Variants in DPP6 observed in about 807,000 individuals in gnomAD.
The protein encoded by DPP6 is dipeptidyl peptidase like 6, also known as A-type potassium channel modulatory protein DPP6.
DPP6 carries 69 observed loss-of-function variants against 122.6 expected under a neutral mutation model. The observed-to-expected ratio is 0.56, with a 90% CI of 0.46 to 0.69. DPP6 has a LOEUF of 0.69. DPP6 is among the 30% of genes least tolerant of loss of function. The probability of loss-of-function intolerance (pLI) is 0.00; values close to 1 mark genes in which losing one functional copy is unlikely to be tolerated. For synonymous variants in DPP6, 418 were observed against 433.1 expected (o/e 0.97, Z 0.43); for missense variants, 928 against 1,116.9 (o/e 0.83, Z 2.41).
At chr7:153,766,455 G>A in the DPP6 span, among the ~76,000 whole-genome samples, 1 of 152,056 alleles carries the variant, frequency 6.6e-6, no homozygotes, top group Non-Finnish European at 1.5e-5. Flanking sequence ...TAAAAAGTTG[G>A]GAACTAAGTT....
the DPP6 span, among the ~76,000 whole-genome samples, chr7:153,753,809 T>A: frequency 6.6e-6 from 1 of 152,074 alleles, no homozygotes; most frequent in African/African-American, 2.4e-5. Flanking sequence ...ATGCAGTGAT[T>A]AATAATCGTA....
intron 1 of DPP6, among the ~76,000 whole-genome samples, chr7:154,379,689 A>T (rs951634582): frequency 8.5e-5 from 13 of 152,238 alleles, no homozygotes; most frequent in Non-Finnish European, 1.8e-4. Context: ...AATGCTAAAA[A>T]TTATTGTCAT....
intron 1 of DPP6, among the ~76,000 whole-genome samples, chr7:154,071,875 A>G (rs559384507): frequency 1.4e-4 from 21 of 152,320 alleles, no homozygotes; most frequent in Non-Finnish European, 2.4e-4. Context: ...GATACAAGGG[A>G]AAAATGCAGC....
chr7:154,875,199 G>A lies in DPP6; in HGVS notation c.1884-707G>A, dbSNP rs570173523. 4.0e-3 allele frequency among the ~76,000 whole-genome samples: 606 copies of A among 152,236 alleles called. 2 individuals carry two copies. Among genetic ancestry groups the A allele is most frequent in the African/African-American group, 0.014 (581 of 41,552 alleles). ...AAGGGAGGGAACAGCCCTGTTTGAG[G>A]AAAAAGAAAACAGCCCTGTTTGTGG... On this transcript the variant is annotated intron_variant, in intron 19 of 25. Coordinates refer to ENST00000377770, the MANE Select transcript of DPP6 (RefSeq NM_130797.4). The surrounding 1 kb of genome is among the most constrained non-coding windows in gnomAD (Gnocchi z 4.5).
chr7:154,819,345 G>A (rs1049854838), intron 16 of DPP6, among the ~76,000 whole-genome samples: 2 of 152,224 alleles, frequency 1.3e-5, no homozygotes, highest in Non-Finnish European at 2.9e-5. Flanking sequence ...AACCCGGGAA[G>A]CAGAGGTTGC....
chr7:153,924,648 C>T (rs1800804609), intron 1 of DPP6, among the ~76,000 whole-genome samples: 1 of 152,188 alleles, frequency 6.6e-6, no homozygotes, highest in South Asian at 2.1e-4. Context: ...AGTAGGAGAA[C>T]AACTGTGGTC....
chr7:154,134,842 TTTCCTGTGAGCATACAC>T (rs1795463253), intron 1 of DPP6, among the ~76,000 whole-genome samples: 1 of 151,814 alleles, frequency 6.6e-6, no homozygotes, highest in Non-Finnish European at 1.5e-5. Flanking sequence ...TGATCATATA[TTTCCTGTGAGCATACAC>T]TTCCTGTGAG....
At chr7:153,819,025 C>T in the DPP6 span, among the ~76,000 whole-genome samples, 14 of 142,062 alleles carry the variant, frequency 9.9e-5, no homozygotes, top group African/African-American at 3.5e-4. Context: ...GCTGGGATTA[C>T]AGGCATGAGC....
At chr7:154,026,648 G>A (rs1798968378) in intron 1 of DPP6, 1 of 151,834 alleles carries the variant, frequency 6.6e-6, no homozygotes, top group South Asian at 2.1e-4. Context: ...TGATGACAGT[G>A]ATCCCTGGAC....
At chr7:154,351,970 C>T (rs1204587891) in intron 1 of DPP6, among the ~76,000 whole-genome samples, 1 of 152,118 alleles carries the variant, frequency 6.6e-6, no homozygotes, top group South Asian at 2.1e-4. Context: ...CAGCAGGGCA[C>T]TGGCCGACCA....
chr7:154,853,741 G>T (rs777095366), intron 16 of DPP6, 39 bp from the exon 17 acceptor site: 28 of 1,605,274 alleles, frequency 1.7e-5, no homozygotes, highest in Non-Finnish European at 2.2e-5. Flanking sequence ...TAATGGCTTC[G>T]TTTTTGTTTT....
At chr7:153,895,167 T>A (rs1799354626) in intron 1 of DPP6, among the ~76,000 whole-genome samples, 2 of 152,306 alleles carry the variant, frequency 1.3e-5, no homozygotes, top group South Asian at 4.1e-4. Flanking sequence ...TCTTCTTGAC[T>A]GAAAGATACT....
intron 1 of DPP6, among the ~76,000 whole-genome samples, chr7:154,130,426 A>G (rs1795210789): frequency 6.6e-6 from 1 of 152,186 alleles, no homozygotes; most frequent in South Asian, 2.1e-4. Flanking sequence ...ATGTCACACT[A>G]TCTACCCTGA....
intron 1 of DPP6, among the ~76,000 whole-genome samples, chr7:153,955,564 G>A (rs1585085581): frequency 1.3e-5 from 2 of 151,984 alleles, no homozygotes; most frequent in South Asian, 4.2e-4. Flanking sequence ...TCAGCCTCCC[G>A]AGTAGCTGGG....
chr7:154,249,708 G>A (rs76366479), intron 1 of DPP6, among the ~76,000 whole-genome samples: 5,795 of 152,116 alleles, frequency 0.038, 148 homozygotes, highest in South Asian at 0.099. Flanking sequence ...ACAATGCCAC[G>A]GAGCCTGTCC....
chr7:154,497,177 C>T (rs745968408), intron 3 of DPP6, among the ~76,000 whole-genome samples: 3 of 152,164 alleles, frequency 2.0e-5, no homozygotes, highest in Non-Finnish European at 2.9e-5. Flanking sequence ...ATCTGACAGA[C>T]TAAAAAACTA....
chr7:154,326,666 G>T (rs1563484514), intron 1 of DPP6, among the ~76,000 whole-genome samples: 1 of 152,152 alleles, frequency 6.6e-6, no homozygotes, highest in South Asian at 2.1e-4. Context: ...ACATTTGCAG[G>T]CTACTGCAAT....
At position 154,755,550 on chromosome 7, in the gene DPP6, T is replaced by C. The variant is rs547435316; in HGVS notation, c.884-13867T>C. On this transcript the variant is annotated intron_variant, in intron 8 of 25. Coordinates refer to ENST00000377770, the MANE Select transcript of DPP6 (RefSeq NM_130797.4). This position sits in a 1 kb window ranked among gnomAD's most constrained non-coding sequence, Gnocchi z 4.7. ...CTACCTGGAGTGATTGCGTTGAGGA[T>C]TAAATGAGTTAACCCATCTACGCAG... 6.6e-6 allele frequency among the ~76,000 whole-genome samples: 1 copy of C among 152,220 alleles called. No individual in the cohort carries two copies. Among genetic ancestry groups the C allele is most frequent in the African/African-American group, 2.4e-5 (1 of 41,536 alleles).
chr7:154,368,325 G>A (rs116090602), intron 1 of DPP6, among the ~76,000 whole-genome samples: 3,844 of 152,194 alleles, frequency 0.025, 152 homozygotes, highest in African/African-American at 0.086. Flanking sequence ...TGTGCTCCCC[G>A]GGGCAGCAGC....
Sources: gnomAD v4.1 joint callset for allele counts (sites outside exome capture counted in the v4.1 genomes callset) on GRCh38, gnomAD v4.1.1 for gene constraint, Gnocchi (gnomAD v3.1) non-coding constraint, MANE v1.5 for transcripts, NCBI Gene and HGNC (gene_info 2026-07-23, HGNC 2026-07-21) for gene names.